Variants in BPNT2 observed in about 807,000 individuals in gnomAD.
BPNT2 encodes the protein 3'(2'), 5'-bisphosphate nucleotidase 2, also known as Golgi-resident adenosine 3',5'-bisphosphate 3'-phosphatase.
In BPNT2, 11 loss-of-function variants were observed where a neutral mutation model predicts 29.3. The ratio of observed to expected loss-of-function variants is 0.38; its 90% CI spans 0.24 to 0.62. The LOEUF is 0.62. BPNT2 is among the 20% of genes least tolerant of loss of function. BPNT2 has a pLI of 0.62. For missense variants in BPNT2, 459 were observed against 473.4 expected, an observed-to-expected ratio of 0.97 and a Z score of 0.28; for synonymous variants, 195 against 187.7, an observed-to-expected ratio of 1.04 and a Z score of -0.32.
At chr8:56,975,681 T>C (rs1439315203) in intron 3 of BPNT2, among the ~76,000 whole-genome samples, 1 of 152,172 alleles carries the variant, frequency 6.6e-6, no homozygotes, top group Non-Finnish European at 1.5e-5. Flanking sequence ...AAAAAGATAA[T>C]GTCTTTCCTT....
At position 56,963,596 on chromosome 8, in the gene BPNT2, C is replaced by A; in HGVS notation, c.*197G>T. On this transcript the variant is annotated 3_prime_UTR_variant, in exon 5 of 5. Coordinates refer to ENST00000262644, the MANE Select transcript of BPNT2 (RefSeq NM_017813.5). ...AATAGTCTCAAAAATAAAGACAATA[C>A]TTGAGACACAAAGCAACCCATTTTC... 1 of 593,436 alleles carries A rather than the reference C, an allele frequency of 1.7e-6. No homozygotes were observed. Among genetic ancestry groups the A allele is most frequent in the Non-Finnish European group, 3.0e-6 (1 of 336,200 alleles). 36.8% of individuals were successfully genotyped at this position (593,436 alleles called of 1,614,324 possible). A position where few individuals can be genotyped will look rare whatever the true frequency, so the allele number is the denominator to read the frequency against.
Position 56,962,891 on chromosome 8 carries a change from G to A in BPNT2, c.*902C>T, listed in dbSNP as rs1464686268. ...ATGTAATGTCAAGTAACTTTCAATT[G>A]TAATAGAATCATTTATATTCTTATA... is the stretch of plus-strand genomic sequence containing the variant. On this transcript the variant is annotated 3_prime_UTR_variant, in exon 5 of 5. Coordinates refer to ENST00000262644, the MANE Select transcript of BPNT2 (RefSeq NM_017813.5). 12 of 152,138 alleles carry A rather than the reference G, an allele frequency of 7.9e-5. No homozygotes were observed. 9.4% of individuals were successfully genotyped at this position (152,138 alleles called of 1,614,324 possible). A position where few individuals can be genotyped will look rare whatever the true frequency, so the allele number is the denominator to read the frequency against.
intron 1 of BPNT2, among the ~76,000 whole-genome samples, chr8:56,987,646 G>A (rs888007062): frequency 6.6e-6 from 1 of 151,920 alleles, no homozygotes; most frequent in East Asian, 1.9e-4. Flanking sequence ...TTAATCACAC[G>A]AGCCAATTCC....
chr8:56,977,834 C>G (rs1354682257), intron 3 of BPNT2, among the ~76,000 whole-genome samples: 1 of 152,058 alleles, frequency 6.6e-6, no homozygotes, highest in African/African-American at 2.4e-5. Flanking sequence ...AAAGATACTC[C>G]CTTACAGTTT....
At chr8:56,964,774 C>T (rs10504211) in intron 4 of BPNT2, among the ~76,000 whole-genome samples, 31,890 of 152,036 alleles carry the variant, frequency 0.21, 3,737 homozygotes, top group East Asian at 0.45. Flanking sequence ...TAAGTAGGCC[C>T]GATGTGAAAG....
At chr8:56,974,405 T>G (rs1257122423) in intron 3 of BPNT2, among the ~76,000 whole-genome samples, 2 of 152,226 alleles carry the variant, frequency 1.3e-5, no homozygotes, top group Admixed American at 1.3e-4. Flanking sequence ...TAATTCTAAT[T>G]AAGTCTGATA....
At chr8:56,982,219 G>A (rs1416665807) in intron 1 of BPNT2, among the ~76,000 whole-genome samples, 2 of 151,626 alleles carry the variant, frequency 1.3e-5, no homozygotes, top group East Asian at 1.9e-4. Context: ...CACTTTCCGG[G>A]TTCGAGTGAT....
At chr8:56,980,339 C>T in intron 1 of BPNT2, 142 bp from the exon 2 acceptor site, 5 of 674,122 alleles carry the variant, frequency 7.4e-6, no homozygotes, top group Middle Eastern at 3.7e-4. Context: ...CTCCATATTG[C>T]AAAATGAAAA....
chr8:56,979,332 A>G (rs1472782087), intron 2 of BPNT2, among the ~76,000 whole-genome samples: 1 of 152,234 alleles, frequency 6.6e-6, no homozygotes, highest in Admixed American at 6.5e-5. Flanking sequence ...TGTTATTACT[A>G]TATGAACAGG....
rs1425908994 is a variant in BPNT2 at position 56,962,915 on chromosome 8, T to C, written c.*878A>G. The C allele has an allele frequency of 6.6e-6, 1 of 152,224 alleles. No homozygotes were observed. The highest frequency in any genetic ancestry group is 1.9e-4 in the East Asian group (1 of 5,204). 9.4% of individuals were successfully genotyped at this position (152,224 alleles called of 1,614,324 possible). On this transcript the variant is annotated 3_prime_UTR_variant, in exon 5 of 5. Coordinates refer to ENST00000262644, the MANE Select transcript of BPNT2 (RefSeq NM_017813.5). The stretch of plus-strand genomic sequence containing the variant: ...TGTAATAGAATCATTTATATTCTTA[T>C]AGTGCCTTACAGCATATTTTATCGT...
Position 56,990,780 on chromosome 8 carries a change from T to C in BPNT2, c.387+2419A>G, listed in dbSNP as rs529411472. On this transcript the variant is annotated intron_variant, in intron 1 of 4. Coordinates refer to ENST00000262644, the MANE Select transcript of BPNT2 (RefSeq NM_017813.5). The stretch of plus-strand genomic sequence containing the variant: ...AGTTAGGGGACAAAACTGTCTCCAG[T>C]TGAGTGCTCTAGGATAACCCCTGGT... Among the ~76,000 whole-genome samples, 5 of 152,204 alleles carry C rather than the reference T, an allele frequency of 3.3e-5. No homozygotes were observed. The East Asian group carries it at 7.7e-4, about 24-fold the overall frequency.
intron 3 of BPNT2, among the ~76,000 whole-genome samples, chr8:56,969,657 TA>T (rs1223276867): frequency 6.6e-6 from 1 of 152,102 alleles, no homozygotes; most frequent in African/African-American, 2.4e-5. Flanking sequence ...ACGCTTATAG[TA>T]GTGAACCAAG....
rs1367855853 is a variant in BPNT2 at position 56,960,716 on chromosome 8, T to C, written c.*3077A>G. The C allele has an allele frequency of 4.0e-5, 6 of 151,200 alleles. No individual in the cohort carries two copies. Among genetic ancestry groups the C allele is most frequent in the East Asian group, 1.9e-4 (1 of 5,148 alleles). The allele number at this position is 151,200 out of a possible 1,614,324, so 9.4% of individuals were successfully genotyped here. A position where few individuals can be genotyped will look rare whatever the true frequency, so the allele number is the denominator to read the frequency against. On this transcript the variant is annotated 3_prime_UTR_variant, in exon 5 of 5. Transcript: ENST00000262644. ...TGCATATCTACCCAACTCTCTTGTA[T>C]TTTTTTTTACATTTACATTCTTGAA... is the stretch of plus-strand genomic sequence containing the variant.
intron 3 of BPNT2, among the ~76,000 whole-genome samples, chr8:56,970,067 C>T (rs1344477108): frequency 6.6e-6 from 1 of 152,126 alleles, no homozygotes; most frequent in African/African-American, 2.4e-5. Context: ...CAGAAAATCT[C>T]ATTTTATAAC....
chr8:56,984,105 A>C lies in BPNT2; in HGVS notation c.388-3908T>G, dbSNP rs528427101. On this transcript the variant is annotated intron_variant, in intron 1 of 4. Coordinates refer to ENST00000262644, the MANE Select transcript of BPNT2 (RefSeq NM_017813.5). ...GGGCCTTAACCACTGTAGCTTACAA[A>C]ACGGCAGTGCCAAGTCTGGCAACTA... Among the ~76,000 whole-genome samples the C allele has an allele frequency of 5.9e-5, 9 of 152,336 alleles. No homozygotes were observed. In the East Asian group the frequency reaches 1.7e-3, roughly 29 times the overall value.
In BPNT2 at chr8:56,993,400, G is replaced by C; in HGVS notation, c.186C>G (p.Asp62Glu). The C allele has an allele frequency of 1.2e-6, 2 of 1,606,428 alleles. No individual in the cohort carries two copies. Among genetic ancestry groups the C allele is most frequent in the Non-Finnish European group, 1.7e-6 (2 of 1,178,896 alleles). ...PAAAADGGTV[D>E]LREMLAVSVL... ...CTGACACAGCCAGCATCTCGCGCAA[G>C]TCCACGGTGCCCCCATCGGCCGCGG... The change falls in exon 1 of 5, where the codon GAC becomes GAG. Residue 62 changes from aspartate (D) to glutamate (E), a missense_variant. Asp to Glu is a conservative substitution (Grantham distance 45). Transcript: ENST00000262644.
At chr8:56,976,478 A>G (rs1806137681) in intron 3 of BPNT2, among the ~76,000 whole-genome samples, 1 of 152,232 alleles carries the variant, frequency 6.6e-6, no homozygotes, top group African/African-American at 2.4e-5. Flanking sequence ...TTATATAATT[A>G]ATCTTACAGT....
At chr8:56,991,166 G>A (rs1806410700) in intron 1 of BPNT2, among the ~76,000 whole-genome samples, 1 of 152,150 alleles carries the variant, frequency 6.6e-6, no homozygotes, top group South Asian at 2.1e-4. Context: ...GGGGTATAAG[G>A]AGATCGCTCA....
In BPNT2 at chr8:56,963,189, A is replaced by G. The variant is rs189215050; in HGVS notation, c.*604T>C. 2 of 152,864 alleles carry G rather than the reference A, an allele frequency of 1.3e-5. No homozygotes were observed. Among genetic ancestry groups the G allele is most frequent in the Admixed American group, 1.3e-4 (2 of 15,330 alleles). 9.5% of individuals were successfully genotyped at this position (152,864 alleles called of 1,614,324 possible). A position where few individuals can be genotyped will look rare whatever the true frequency, so the allele number is the denominator to read the frequency against. On this transcript the variant is annotated 3_prime_UTR_variant, in exon 5 of 5. Coordinates refer to ENST00000262644, the MANE Select transcript of BPNT2 (RefSeq NM_017813.5). Reference sequence around the variant, plus strand: ...ACAATGCAAATCATCATGTGTCTCTATTTTCTACCAGCTGGTGAACCTGTT... The same window carrying G: ...ACAATGCAAATCATCATGTGTCTCTGTTTTCTACCAGCTGGTGAACCTGTT...
Sources: allele counts gnomAD v4.1 joint callset (sites outside exome capture counted in the v4.1 genomes callset), GRCh38; gene constraint gnomAD v4.1.1; transcripts MANE v1.5; gene names NCBI Gene and HGNC (gene_info 2026-07-23, HGNC 2026-07-21).